Variants in SASH1 observed in about 807,000 individuals in gnomAD.
SASH1 encodes the protein SAM and SH3 domain containing 1.
Under a neutral mutation model 125.2 loss-of-function variants are expected in SASH1, and 44 were observed. The observed-to-expected ratio is 0.35, with a 90% confidence interval of 0.28 to 0.45. SASH1 has a LOEUF of 0.45. Among genes scored for constraint, SASH1 ranks in the 20% least tolerant of loss-of-function variants. SASH1 has a pLI of 1.00. For synonymous variants in SASH1, 639 were observed against 649.1 expected (o/e 0.98, Z 0.24); for missense variants, 1,426 against 1,614.5 (o/e 0.88, Z 2.00).
At chr6:148,414,793 G>A (rs893116729) in intron 2 of SASH1, among the ~76,000 whole-genome samples, 1 of 152,104 alleles carries the variant, frequency 6.6e-6, no homozygotes, top group African/African-American at 2.4e-5. Context: ...AGCCTCCTGA[G>A]TAACTGGGTT....
At chr6:148,525,116 T>C (rs1781059476) in intron 10 of SASH1, 175 bp from the exon 11 acceptor site, 2 of 588,522 alleles carry the variant, frequency 3.4e-6, no homozygotes, top group Admixed American at 3.0e-5. Flanking sequence ...ATGAGTGAAG[T>C]TTCCTTACGA....
At chr6:148,360,859 A>G (rs937276952) in intron 1 of SASH1, among the ~76,000 whole-genome samples, 3 of 152,178 alleles carry the variant, frequency 2.0e-5, no homozygotes, top group Admixed American at 1.3e-4. Flanking sequence ...TTTTTCCCAC[A>G]AAAAAGGATA....
At chr6:148,294,665 C>A (rs541222044) in intron 1 of SASH1, among the ~76,000 whole-genome samples, 12 of 152,274 alleles carry the variant, frequency 7.9e-5, no homozygotes, top group Non-Finnish European at 1.5e-4. Context: ...TTAAACAACA[C>A]CTGATAAACG....
chr6:148,484,400 C>T (rs1241073896), intron 7 of SASH1, among the ~76,000 whole-genome samples: 1 of 152,164 alleles, frequency 6.6e-6, no homozygotes, highest in Non-Finnish European at 1.5e-5. Context: ...TAAAACACTA[C>T]AGATTTGCTT....
At chr6:148,336,501 C>T (rs1781160490) in intron 1 of SASH1, among the ~76,000 whole-genome samples, 2 of 152,018 alleles carry the variant, frequency 1.3e-5, no homozygotes, top group Admixed American at 1.3e-4. Flanking sequence ...TTTACTGCTG[C>T]TAAAGAGGTA....
chr6:148,546,994 C>T (rs1583343775), intron 19 of SASH1, among the ~76,000 whole-genome samples: 1 of 152,166 alleles, frequency 6.6e-6, no homozygotes, highest in East Asian at 1.9e-4. Flanking sequence ...GTACCAAACC[C>T]TGTATATATT....
At chr6:148,235,889 T>C in the SASH1 span, among the ~76,000 whole-genome samples, 1 of 152,222 alleles carries the variant, frequency 6.6e-6, no homozygotes. Flanking sequence ...TTATCGTGTC[T>C]CTCACTATTA....
At chr6:148,514,923 C>T (rs1041307892) in intron 9 of SASH1, among the ~76,000 whole-genome samples, 6 of 152,140 alleles carry the variant, frequency 3.9e-5, no homozygotes, top group Non-Finnish European at 7.4e-5. Context: ...TTGATTTGTT[C>T]TTCCTGTAGA....
chr6:148,288,533 T>C (rs1779545386), intron 1 of SASH1, among the ~76,000 whole-genome samples: 1 of 152,204 alleles, frequency 6.6e-6, no homozygotes, highest in South Asian at 2.1e-4. Flanking sequence ...ACAGAAACAA[T>C]CCTGCTACTA....
chr6:148,437,558 A>G (rs750087840), intron 2 of SASH1, among the ~76,000 whole-genome samples: 1 of 152,220 alleles, frequency 6.6e-6, no homozygotes, highest in Non-Finnish European at 1.5e-5. Context: ...ATTTTCTGAA[A>G]AGTAGCTAAA....
chr6:148,330,192 A>G (rs1334212699), intron 1 of SASH1, among the ~76,000 whole-genome samples: 1 of 152,216 alleles, frequency 6.6e-6, no homozygotes, highest in Non-Finnish European at 1.5e-5. Context: ...GTCATTAATC[A>G]TACGTGTGGT....
At chr6:148,412,631 A>G (rs892896365) in intron 2 of SASH1, among the ~76,000 whole-genome samples, 3 of 152,142 alleles carry the variant, frequency 2.0e-5, no homozygotes, top group Non-Finnish European at 2.9e-5. Flanking sequence ...CAAGCACAAC[A>G]CCAGAATCTG....
intron 1 of SASH1, among the ~76,000 whole-genome samples, chr6:148,361,272 A>C (rs1217610123): frequency 1.3e-5 from 2 of 152,224 alleles, no homozygotes; most frequent in Non-Finnish European, 2.9e-5. Flanking sequence ...ACAGGGTAGC[A>C]GCTTTGAGCT....
intron 2 of SASH1, among the ~76,000 whole-genome samples, chr6:148,404,752 C>T (rs1382335316): frequency 2.4e-5 from 3 of 126,884 alleles, no homozygotes; most frequent in African/African-American, 9.2e-5. Flanking sequence ...CTCTCCCAGC[C>T]CGTGCCCCAC....
intron 2 of SASH1, among the ~76,000 whole-genome samples, chr6:148,434,459 A>G (rs1346309440): frequency 2.0e-5 from 3 of 152,158 alleles, no homozygotes; most frequent in Admixed American, 6.6e-5. Flanking sequence ...TCAGTGAGAT[A>G]TACTCTCAGC....
At chr6:148,209,621 A>G in the SASH1 span, among the ~76,000 whole-genome samples, 1 of 152,158 alleles carries the variant, frequency 6.6e-6, no homozygotes, top group Admixed American at 6.5e-5. Flanking sequence ...TGTACCAAGC[A>G]TCTTACCTCT....
At position 148,391,112 on chromosome 6, in the gene SASH1, C is replaced by CT. The variant is rs1394140807; in HGVS notation, c.285+864dup. ...AAACTAGCCCACCACTAAAGACACT[C>CT]TTTTTTTTTTTTTTGAGACGGAGTT... On this transcript the variant is annotated intron_variant, in intron 2 of 19. Coordinates refer to ENST00000367467, the MANE Select transcript of SASH1 (RefSeq NM_015278.5). Among the ~76,000 whole-genome samples the CT allele has an allele frequency of 1.5e-3, 212 of 143,410 alleles. 1 individual carries two copies. The highest frequency in any genetic ancestry group is 7.0e-3 in the East Asian group (34 of 4,868). 94.1% of individuals were successfully genotyped at this position (143,410 alleles called of 152,430 possible).
rs150798033 is a variant in SASH1, at chr6:148,501,960, G to T, written c.730-12364G>T. On this transcript the variant is annotated intron_variant, in intron 8 of 19. Transcript: ENST00000367467. Reference sequence around the variant, plus strand: ...TGATTAGGGAACATAACATCCATTTGCTGCTCCTTTGGTTTTATGGTTAAA... The same window carrying T: ...TGATTAGGGAACATAACATCCATTTTCTGCTCCTTTGGTTTTATGGTTAAA... 3.3e-5 allele frequency among the ~76,000 whole-genome samples: 5 copies of T among 152,272 alleles called. No individual in the cohort carries two copies. In the East Asian group the frequency reaches 9.6e-4, roughly 29 times the overall value.
Position 148,551,153 on chromosome 6 carries a change from T to C in SASH1, c.*2595T>C, listed in dbSNP as rs1014286829. ...TAAAAATATCTTTAGCGTTTGGTCT[T>C]TTTTTTTTCTGTAAACATTTAATTT... is the stretch of plus-strand genomic sequence containing the variant. On this transcript the variant is annotated 3_prime_UTR_variant, in exon 20 of 20. Transcript: ENST00000367467. 4 of 142,128 alleles carry C rather than the reference T, an allele frequency of 2.8e-5. No homozygotes were observed. Among genetic ancestry groups the C allele is most frequent in the Non-Finnish European group, 6.5e-5 (4 of 61,696 alleles). 8.8% of individuals were successfully genotyped at this position (142,128 alleles called of 1,614,324 possible).
Sources: allele counts gnomAD v4.1 joint callset (sites outside exome capture counted in the v4.1 genomes callset), GRCh38; gene constraint gnomAD v4.1.1; transcripts MANE v1.5; gene names NCBI Gene and HGNC (gene_info 2026-07-23, HGNC 2026-07-21).